Variants in RHPN2 observed in about 807,000 individuals in gnomAD.
RHPN2 encodes the protein rhophilin Rho GTPase binding protein 2, also known as rhophilin-2.
Under a neutral mutation model 79.0 loss-of-function variants are expected in RHPN2, and 40 were observed. The ratio of observed to expected loss-of-function variants is 0.51; its 90% CI spans 0.39 to 0.66. RHPN2 has a LOEUF of 0.66. Among genes scored for constraint, RHPN2 ranks in the 30% least tolerant of loss-of-function variants. The pLI, the probability that RHPN2 is intolerant of heterozygous loss-of-function variation, is 0.00. For synonymous variants in RHPN2, 285 were observed against 363.5 expected (o/e 0.78, Z 2.46); for missense variants, 686 against 883.5 (o/e 0.78, Z 2.83).
chr19:33,000,308 C>A (rs1160939424), intron 9 of RHPN2, among the ~76,000 whole-genome samples: 4 of 151,728 alleles, frequency 2.6e-5, no homozygotes, highest in Admixed American at 2.6e-4. Flanking sequence ...GCAACCTCCA[C>A]CTCCCGGGTT....
intron 1 of RHPN2, among the ~76,000 whole-genome samples, chr19:33,057,667 C>T (rs1423358466): frequency 7.1e-6 from 1 of 141,636 alleles, no homozygotes; most frequent in Admixed American, 7.1e-5. Context: ...CAGAGCGAAA[C>T]TCCATCTCAA....
intron 14 of RHPN2, among the ~76,000 whole-genome samples, chr19:32,986,221 G>T (rs1167213892): frequency 2.6e-5 from 4 of 152,314 alleles, no homozygotes; most frequent in Non-Finnish European, 5.9e-5. Context: ...TTGGCCTGGT[G>T]TAACGATGTC....
chr19:33,062,693 C>G (rs1050636758), intron 1 of RHPN2, among the ~76,000 whole-genome samples: 1 of 148,296 alleles, frequency 6.7e-6, no homozygotes, highest in Non-Finnish European at 1.5e-5. Flanking sequence ...GCTTGAACCC[C>G]GGAGGCAGAG....
intron 2 of RHPN2, among the ~76,000 whole-genome samples, chr19:33,041,402 C>G (rs942022768): frequency 6.6e-6 from 1 of 152,168 alleles, no homozygotes; most frequent in Non-Finnish European, 1.5e-5. Context: ...TTCGGGAAAC[C>G]GTTGGTGCTT....
intron 5 of RHPN2, 70 bp from the exon 6 acceptor site, chr19:33,011,873 C>A: frequency 1.2e-6 from 2 of 1,602,736 alleles, no homozygotes; most frequent in Non-Finnish European, 1.7e-6. Context: ...CCAGAAGGTG[C>A]CCTGCACATA....
chr19:33,022,432 C>A (rs1178961959), intron 3 of RHPN2, among the ~76,000 whole-genome samples: 1 of 152,128 alleles, frequency 6.6e-6, no homozygotes, highest in Non-Finnish European at 1.5e-5. Flanking sequence ...AATACCCTCA[C>A]ATTTGCAACT....
At chr19:33,055,549 A>G (rs899142407) in intron 1 of RHPN2, among the ~76,000 whole-genome samples, 2 of 151,966 alleles carry the variant, frequency 1.3e-5, no homozygotes, top group African/African-American at 4.8e-5. Flanking sequence ...CTGATCCCAC[A>G]TGACCCACGC....
At chr19:33,003,083 G>A (rs1971763014) in intron 7 of RHPN2, 83 bp from the exon 8 acceptor site, 1 of 1,273,938 alleles carries the variant, frequency 7.8e-7, no homozygotes, top group Non-Finnish European at 1.1e-6. Flanking sequence ...AGGAGGCCGA[G>A]TGCGGTGGCT....
intron 7 of RHPN2, among the ~76,000 whole-genome samples, chr19:33,005,447 G>A (rs1429839580): frequency 3.5e-5 from 5 of 142,728 alleles, no homozygotes; most frequent in African/African-American, 5.2e-5. Context: ...ATCTCAATCC[G>A]TCTGCTCCAA....
At chr19:33,023,896 T>C (rs1971945741) in intron 3 of RHPN2, among the ~76,000 whole-genome samples, 1 of 152,148 alleles carries the variant, frequency 6.6e-6, no homozygotes, top group South Asian at 2.1e-4. Flanking sequence ...GGGCAGTGAC[T>C]GGCCACTCTA....
intron 7 of RHPN2, among the ~76,000 whole-genome samples, chr19:33,006,844 C>A (rs1423369018): frequency 2.0e-5 from 3 of 152,336 alleles, no homozygotes; most frequent in Admixed American, 6.5e-5. Flanking sequence ...GAGTTTGAGA[C>A]CAGCCTGGCC....
At chr19:33,048,740 A>AAAAAAAC (rs1482606012) in intron 1 of RHPN2, among the ~76,000 whole-genome samples, 1 of 151,232 alleles carries the variant, frequency 6.6e-6, no homozygotes, top group East Asian at 1.9e-4. Context: ...AAAAAAAAAA[A>AAAAAAAC]AAAAACTTTA....
At chr19:33,040,489 C>T (rs534192301) in intron 2 of RHPN2, among the ~76,000 whole-genome samples, 19 of 152,094 alleles carry the variant, frequency 1.2e-4, no homozygotes, top group Middle Eastern at 3.4e-3. Context: ...TCGCCCACCT[C>T]GGCCTCCCAA....
chr19:32,999,567 G>A lies in RHPN2; in HGVS notation c.1225+19C>T, dbSNP rs1438973943. On this transcript the variant is annotated intron_variant, in intron 10 of 14. Coordinates refer to ENST00000254260, the MANE Select transcript of RHPN2 (RefSeq NM_033103.5). ...GGGCACCAAGTGGGGCCCACATCTG[G>A]GTGCAGGGGGACACGCACCCAGCTG... is the stretch of plus-strand genomic sequence containing the variant. 1 of 1,606,914 alleles carries A rather than the reference G, an allele frequency of 6.2e-7. No homozygotes were observed. Among genetic ancestry groups the A allele is most frequent in the African/African-American group, 1.3e-5 (1 of 74,680 alleles).
intron 6 of RHPN2, among the ~76,000 whole-genome samples, chr19:33,011,050 G>A (rs1034059199): frequency 2.0e-5 from 3 of 152,096 alleles, no homozygotes; most frequent in South Asian, 2.1e-4. Flanking sequence ...CCACCCTGAC[G>A]TGCCTGATCT....
chr19:33,062,419 G>A (rs149269083), intron 1 of RHPN2, among the ~76,000 whole-genome samples: 3,466 of 149,844 alleles, frequency 0.023, 123 homozygotes, highest in African/African-American at 0.081. Context: ...CCGAGATCGC[G>A]CCACTGCACT....
intron 11 of RHPN2, 148 bp downstream of exon 11, chr19:32,995,878 A>C (rs1971696089): frequency 2.4e-6 from 2 of 842,432 alleles, no homozygotes; most frequent in East Asian, 2.6e-5. Flanking sequence ...AGAGAACTCC[A>C]GGGCAAAAGC....
chr19:33,019,536 G>A lies in RHPN2; in HGVS notation c.390+2035C>T, dbSNP rs564480780. ...GAAGGTTGCGGTGAGCCGAGATCAC[G>A]CCATTGCACTCTAGCCTGGGCAACG... On this transcript the variant is annotated intron_variant, in intron 4 of 14. Transcript: ENST00000254260. Among the ~76,000 whole-genome samples the A allele has an allele frequency of 5.3e-5, 8 of 152,008 alleles. No homozygotes were observed. In the South Asian group the frequency reaches 8.3e-4, roughly 16 times the overall value.
chr19:32,997,553 G>A (rs1165579513), intron 10 of RHPN2, among the ~76,000 whole-genome samples: 3 of 151,700 alleles, frequency 2.0e-5, no homozygotes, highest in African/African-American at 4.8e-5. Flanking sequence ...GCAGTGGCAC[G>A]ATCTCGGCTC....
Sources: allele counts gnomAD v4.1 joint callset (sites outside exome capture counted in the v4.1 genomes callset), GRCh38; gene constraint gnomAD v4.1.1; transcripts MANE v1.5; gene names NCBI Gene and HGNC (gene_info 2026-07-23, HGNC 2026-07-21).